Variants in TSNARE1 observed in about 807,000 individuals in gnomAD.
The protein encoded by TSNARE1 is t-SNARE domain-containing protein 1.
In TSNARE1, 49 loss-of-function variants were observed where a neutral mutation model predicts 62.0. The ratio of observed to expected loss-of-function variants is 0.79; its 90% confidence interval spans 0.63 to 1.00. The LOEUF (loss-of-function observed/expected upper bound fraction) is 1.00, where lower values mean the gene tolerates loss of function less well. Among genes scored for constraint, TSNARE1 ranks in the 50% least tolerant of loss-of-function variants. The pLI, the probability that TSNARE1 is intolerant of heterozygous loss-of-function variation, is 0.00. For missense variants in TSNARE1, 755 were observed against 700.1 expected (o/e 1.08, Z -0.88); for synonymous variants, 328 against 294.4 (o/e 1.11, Z -1.17).
chr8:142,269,938 C>G, intron 12 of TSNARE1: 2 of 985,416 alleles, frequency 2.0e-6, no homozygotes, highest in Non-Finnish European at 2.4e-6. Context: ...GGAAAAGGCC[C>G]CTCTCCCTGC....
At chr8:142,280,786 A>C (rs1821296527) in intron 11 of TSNARE1, among the ~76,000 whole-genome samples, 1 of 152,078 alleles carries the variant, frequency 6.6e-6, no homozygotes. Context: ...GGAAGCTGAC[A>C]GTGGGGAGAA....
At chr8:142,307,385 C>T (rs184811287) in intron 9 of TSNARE1, among the ~76,000 whole-genome samples, 175 of 152,338 alleles carry the variant, frequency 1.1e-3, no homozygotes, top group Admixed American at 3.2e-3. Flanking sequence ...TGACTTCTGT[C>T]AACACACAGT....
chr8:142,321,677 T>C (rs1829505070), intron 6 of TSNARE1, among the ~76,000 whole-genome samples: 1 of 152,162 alleles, frequency 6.6e-6, no homozygotes, highest in Non-Finnish European at 1.5e-5. Context: ...ACACAAATCA[T>C]ATCAGGCCCA....
chr8:142,306,597 G>A (rs896892836), intron 9 of TSNARE1, among the ~76,000 whole-genome samples: 4 of 152,210 alleles, frequency 2.6e-5, no homozygotes, highest in African/African-American at 9.6e-5. Flanking sequence ...GCAAGAGACG[G>A]GGAAGGCAGC....
At chr8:142,339,268 C>T (rs990400069) in intron 4 of TSNARE1, among the ~76,000 whole-genome samples, 2 of 152,096 alleles carry the variant, frequency 1.3e-5, no homozygotes, top group African/African-American at 4.8e-5. Context: ...GCCGAAGGAG[C>T]GAAGAATCGG....
chr8:142,332,999 T>C (rs1473546627), intron 4 of TSNARE1, among the ~76,000 whole-genome samples: 1 of 152,044 alleles, frequency 6.6e-6, no homozygotes, highest in Non-Finnish European at 1.5e-5. Context: ...CGCAACACAG[T>C]GAATCTCAGA....
chr8:142,313,659 CTG>C (rs1038804288), intron 9 of TSNARE1, among the ~76,000 whole-genome samples: 2 of 151,712 alleles, frequency 1.3e-5, no homozygotes, highest in African/African-American at 2.4e-5. Context: ...CTGCAAGTCT[CTG>C]TGTGTCTGTG....
chr8:142,310,925 C>T (rs1455346566), intron 9 of TSNARE1, among the ~76,000 whole-genome samples: 1 of 152,206 alleles, frequency 6.6e-6, no homozygotes, highest in Admixed American at 6.5e-5. Context: ...TCTCAGCTCA[C>T]TGCAACCTCC....
chr8:142,292,583 G>C (rs1024487304), intron 10 of TSNARE1, among the ~76,000 whole-genome samples: 1 of 152,160 alleles, frequency 6.6e-6, no homozygotes, highest in Non-Finnish European at 1.5e-5. Context: ...GACCCCAGGA[G>C]GCTGTCGATG....
chr8:142,390,731 G>A, intron 1 of TSNARE1, among the ~76,000 whole-genome samples: 1 of 20,034 alleles, frequency 5.0e-5, no homozygotes, highest in Non-Finnish European at 8.1e-5. Flanking sequence ...CACTGCGGGG[G>A]ACTCCGTAAC....
intron 4 of TSNARE1, among the ~76,000 whole-genome samples, chr8:142,341,550 G>C (rs900225350): frequency 1.3e-5 from 2 of 152,180 alleles, no homozygotes; most frequent in African/African-American, 4.8e-5. Context: ...GGCGCATCCA[G>C]ACACACGGCT....
chr8:142,380,515 C>T (rs1162184329), intron 1 of TSNARE1, among the ~76,000 whole-genome samples: 1 of 151,896 alleles, frequency 6.6e-6, no homozygotes. Flanking sequence ...CTGACCCCGC[C>T]CCCACCCCTG....
chr8:142,290,104 C>T lies in TSNARE1; in HGVS notation c.1291-5619G>A, dbSNP rs1193704184. ...TCCACTCCCAGGCACACCTAGGAGA[C>T]TTGCCAGAGATTTGGGCTCCCCCAC... On this transcript the variant is annotated intron_variant, in intron 10 of 13. Coordinates refer to ENST00000524325, the MANE Select transcript of TSNARE1 (RefSeq NM_145003.5). 2.6e-5 allele frequency among the ~76,000 whole-genome samples: 4 copies of T among 152,350 alleles called. No homozygotes were observed. In the East Asian group the frequency reaches 7.7e-4, roughly 29 times the overall value.
At chr8:142,329,547 C>A (rs571943279) in intron 6 of TSNARE1, among the ~76,000 whole-genome samples, 10 of 152,150 alleles carry the variant, frequency 6.6e-5, no homozygotes, top group Admixed American at 6.5e-4. Flanking sequence ...ACTGAAGAGA[C>A]GGGAGAGCCA....
At chr8:142,381,498 G>A (rs1445277428) in intron 1 of TSNARE1, among the ~76,000 whole-genome samples, 1 of 152,118 alleles carries the variant, frequency 6.6e-6, no homozygotes, top group Non-Finnish European at 1.5e-5. Flanking sequence ...GCACAAGGGT[G>A]GAGGTCAGGG....
chr8:142,325,857 C>T (rs1214049400), intron 6 of TSNARE1, among the ~76,000 whole-genome samples: 2 of 151,856 alleles, frequency 1.3e-5, no homozygotes, highest in Non-Finnish European at 2.9e-5. Flanking sequence ...GGAACCAGCA[C>T]CAGTGAAGGG....
chr8:142,325,914 A>G, intron 6 of TSNARE1: 1 of 170,072 alleles, frequency 5.9e-6, no homozygotes, highest in Non-Finnish European at 1.3e-5. Context: ...AGCACCAGCG[A>G]AGGGGAGGGC....
At chr8:142,268,568 T>C (rs1819260617) in intron 12 of TSNARE1, among the ~76,000 whole-genome samples, 1 of 152,232 alleles carries the variant, frequency 6.6e-6, no homozygotes, top group African/African-American at 2.4e-5. Context: ...GCACGCTGCC[T>C]ACCCCAGCAT....
chr8:142,294,589 G>A (rs1824369205), intron 10 of TSNARE1, among the ~76,000 whole-genome samples: 2 of 152,204 alleles, frequency 1.3e-5, no homozygotes, highest in South Asian at 4.1e-4. Flanking sequence ...TGCAGAGGGT[G>A]GAGGCAGCTG....
Sources: allele counts gnomAD v4.1 joint callset (sites outside exome capture counted in the v4.1 genomes callset), GRCh38; gene constraint gnomAD v4.1.1; transcripts MANE v1.5; gene names NCBI Gene and HGNC (gene_info 2026-07-23, HGNC 2026-07-21).